IGF2BP2: variants seen among roughly 807,000 people sequenced by gnomAD.
IGF2BP2 encodes the protein insulin-like growth factor 2 mRNA-binding protein 2.
A neutral mutation model predicts 75.8 loss-of-function variants in IGF2BP2; 17 were observed. The observed-to-expected ratio is 0.22, with a 90% CI of 0.15 to 0.34. The LOEUF (loss-of-function observed/expected upper bound fraction) is 0.34, where lower values mean the gene tolerates loss of function less well. Ranked by LOEUF, IGF2BP2 falls within the 10% of genes least tolerant of loss-of-function variation. The pLI, the probability that IGF2BP2 is intolerant of heterozygous loss-of-function variation, is 1.00. For missense variants in IGF2BP2, 516 were observed against 772.4 expected, an observed-to-expected ratio of 0.67 and a Z score of 3.93; for synonymous variants, 288 against 295.6, an observed-to-expected ratio of 0.97 and a Z score of 0.26.
intron 10 of IGF2BP2, among the ~76,000 whole-genome samples, chr3:185,662,115 C>A (rs1234950443): frequency 6.6e-6 from 1 of 152,110 alleles, no homozygotes; most frequent in Non-Finnish European, 1.5e-5. Flanking sequence ...TCAGTGAGGT[C>A]ACAGGAATGA....
chr3:185,655,612 C>A (rs1013126714), intron 12 of IGF2BP2, among the ~76,000 whole-genome samples: 3 of 152,232 alleles, frequency 2.0e-5, no homozygotes, highest in African/African-American at 7.2e-5. Context: ...TGACGCAGCA[C>A]TGCTGTCTTT....
intron 2 of IGF2BP2, among the ~76,000 whole-genome samples, chr3:185,795,137 T>C (rs1050310254): frequency 6.6e-6 from 1 of 152,152 alleles, no homozygotes; most frequent in African/African-American, 2.4e-5. Flanking sequence ...GACCTCGTGA[T>C]CCACCCACCT....
intron 14 of IGF2BP2, 52 bp downstream of exon 14, chr3:185,649,351 C>T: frequency 1.9e-6 from 3 of 1,602,692 alleles, no homozygotes; most frequent in South Asian, 2.2e-5. Flanking sequence ...TCAGGCAAGG[C>T]CAGAGCGGGG....
intron 9 of IGF2BP2, among the ~76,000 whole-genome samples, chr3:185,673,444 G>A (rs916271791): frequency 6.6e-6 from 1 of 152,170 alleles, no homozygotes; most frequent in Non-Finnish European, 1.5e-5. Context: ...GCCAGGTTCG[G>A]GATGGTTTAC....
At chr3:185,679,161 G>A (rs976700294) in intron 7 of IGF2BP2, among the ~76,000 whole-genome samples, 1 of 152,178 alleles carries the variant, frequency 6.6e-6, no homozygotes, top group African/African-American at 2.4e-5. Context: ...ATTGTTTTCT[G>A]TATGTCTAGT....
chr3:185,749,158 C>T (rs995207958), intron 2 of IGF2BP2, among the ~76,000 whole-genome samples: 1 of 151,228 alleles, frequency 6.6e-6, no homozygotes, highest in African/African-American at 2.4e-5. Context: ...AGCGAGACTC[C>T]GTCTAAAAGA....
chr3:185,729,842 G>C (rs530130025), intron 2 of IGF2BP2: 2 of 152,254 alleles, frequency 1.3e-5, no homozygotes, highest in African/African-American at 4.8e-5. Flanking sequence ...ATAATGTATT[G>C]CATCAGATTG....
intron 2 of IGF2BP2, among the ~76,000 whole-genome samples, chr3:185,779,997 A>T (rs1735001805): frequency 6.6e-6 from 1 of 152,258 alleles, no homozygotes; most frequent in Non-Finnish European, 1.5e-5. Context: ...GCCTAACCAT[A>T]GGCAAATGGC....
intron 2 of IGF2BP2, among the ~76,000 whole-genome samples, chr3:185,806,202 C>T (rs1739004824): frequency 6.6e-6 from 1 of 152,166 alleles, no homozygotes; most frequent in Non-Finnish European, 1.5e-5. Context: ...TAACTATTAT[C>T]ATTTGACTGT....
intron 2 of IGF2BP2, among the ~76,000 whole-genome samples, chr3:185,785,268 T>A (rs940985304): frequency 7.2e-6 from 1 of 138,880 alleles, no homozygotes; most frequent in Non-Finnish European, 1.5e-5. Flanking sequence ...GCCACTGCAC[T>A]CCAGCCTGGG....
At chr3:185,778,464 G>T (rs1734802839) in intron 2 of IGF2BP2, among the ~76,000 whole-genome samples, 1 of 152,172 alleles carries the variant, frequency 6.6e-6, no homozygotes, top group African/African-American at 2.4e-5. Context: ...AAAACTGAAT[G>T]ACATTATTTG....
chr3:185,672,958 C>A (rs1254761918), intron 9 of IGF2BP2, among the ~76,000 whole-genome samples: 1 of 152,222 alleles, frequency 6.6e-6, no homozygotes, highest in Non-Finnish European at 1.5e-5. Flanking sequence ...AACCCTTCAT[C>A]TCCAACCTGG....
chr3:185,818,844 C>A (rs547878330), intron 2 of IGF2BP2, among the ~76,000 whole-genome samples: 1 of 152,036 alleles, frequency 6.6e-6, no homozygotes, highest in African/African-American at 2.4e-5. Context: ...ATGCATAATT[C>A]AAAATCATTT....
At chr3:185,737,815 G>A (rs2149548209) in intron 2 of IGF2BP2, among the ~76,000 whole-genome samples, 1 of 152,294 alleles carries the variant, frequency 6.6e-6, no homozygotes, top group Middle Eastern at 3.4e-3. Flanking sequence ...TAGACACTCA[G>A]TACTTGGTTT....
At chr3:185,717,733 A>T (rs2149449146) in intron 2 of IGF2BP2, 1 of 152,382 alleles carries the variant, frequency 6.6e-6, no homozygotes, top group South Asian at 2.1e-4. Flanking sequence ...CAGTACACAA[A>T]TGCAGGAGGT....
At chr3:185,784,909 T>C (rs574235650) in intron 2 of IGF2BP2, among the ~76,000 whole-genome samples, 25 of 152,220 alleles carry the variant, frequency 1.6e-4, no homozygotes, top group Admixed American at 6.5e-4. Context: ...CCTAAATTCC[T>C]GACATTTCAG....
intron 2 of IGF2BP2, among the ~76,000 whole-genome samples, chr3:185,811,858 C>T (rs1398388450): frequency 2.3e-5 from 3 of 131,704 alleles, no homozygotes; most frequent in Admixed American, 2.1e-4. Flanking sequence ...CTCTCTCTCT[C>T]TCTCTCTCTC....
chr3:185,739,833 CT>C (rs1358036350), intron 2 of IGF2BP2, among the ~76,000 whole-genome samples: 1 of 143,098 alleles, frequency 7.0e-6, no homozygotes, highest in Non-Finnish European at 1.5e-5. Context: ...AAATTATGTC[CT>C]TTTTTTCCCT....
chr3:185,774,220 G>C (rs954570982), intron 2 of IGF2BP2, among the ~76,000 whole-genome samples: 4 of 152,162 alleles, frequency 2.6e-5, no homozygotes, highest in Non-Finnish European at 4.4e-5. Context: ...CGGTTACACA[G>C]GGCTTGCATG....
Sources: gnomAD v4.1 joint callset for allele counts (sites outside exome capture counted in the v4.1 genomes callset) on GRCh38, gnomAD v4.1.1 for gene constraint, MANE v1.5 for transcripts, NCBI Gene and HGNC (gene_info 2026-07-23, HGNC 2026-07-21) for gene names.